The following ENPEP variants were observed in gnomAD, a reference collection of about 807,000 sequenced individuals.
The protein encoded by ENPEP is AP-A.
Under a neutral mutation model 114.5 loss-of-function variants are expected in ENPEP, and 103 were observed. That is an observed-to-expected ratio of 0.90 (90% confidence interval 0.77 to 1.06). The LOEUF (loss-of-function observed/expected upper bound fraction) is 1.06, where lower values mean the gene tolerates loss of function less well. Ranked by LOEUF, ENPEP falls within the 50% of genes least tolerant of loss-of-function variation. The pLI is 0.00. For synonymous variants in ENPEP, 420 were observed against 422.0 expected (o/e 1.00, Z 0.06); for missense variants, 1,196 against 1,161.3 (o/e 1.03, Z -0.43).
chr4:110,477,917 A>G (rs950760169), intron 1 of ENPEP, among the ~76,000 whole-genome samples: 3 of 152,200 alleles, frequency 2.0e-5, no homozygotes, highest in Non-Finnish European at 4.4e-5. Flanking sequence ...TGTTAAAGGC[A>G]TAAACTCTCT....
At position 110,553,429 on chromosome 4, in the gene ENPEP, A is replaced by C. The variant is rs1456069280; in HGVS notation, c.2616A>C (p.Gln872His). The change falls in exon 18 of 20, where the codon CAA becomes CAC. Residue 872 changes from glutamine to histidine, a missense_variant. Transcript: ENST00000265162. ...YGKNMAWNWI[Q>H]LNWDYLVNRY... ...AGAACATGGCCTGGAATTGGATACA[A>C]CTCAACTGGGACTATCTAGTCAACA... 1 of 1,610,314 alleles carries C rather than the reference A, an allele frequency of 6.2e-7. No homozygotes were observed. Among genetic ancestry groups the C allele is most frequent in the South Asian group, 1.1e-5 (1 of 90,540 alleles).
intron 11 of ENPEP, among the ~76,000 whole-genome samples, chr4:110,535,306 CCAGT>C (rs1219234332): frequency 6.6e-6 from 1 of 152,066 alleles, no homozygotes; most frequent in African/African-American, 2.4e-5. Flanking sequence ...TCCAGACTGT[CCAGT>C]CAGTTTCTAT....
chr4:110,537,945 C>A (rs1476633729), intron 11 of ENPEP, among the ~76,000 whole-genome samples: 1 of 152,158 alleles, frequency 6.6e-6, no homozygotes, highest in Non-Finnish European at 1.5e-5. Flanking sequence ...AGCAGCAGGT[C>A]TCAACAATGG....
chr4:110,499,306 T>C (rs1725064910), intron 3 of ENPEP, among the ~76,000 whole-genome samples: 1 of 152,200 alleles, frequency 6.6e-6, no homozygotes, highest in Non-Finnish European at 1.5e-5. Flanking sequence ...CCCTATGACA[T>C]AAGTGCTGTT....
chr4:110,557,458 G>A (rs1027115858), intron 18 of ENPEP, among the ~76,000 whole-genome samples: 1 of 152,166 alleles, frequency 6.6e-6, no homozygotes, highest in Admixed American at 6.6e-5. Context: ...CTAACATAAG[G>A]GAACAGAGGT....
intron 3 of ENPEP, among the ~76,000 whole-genome samples, chr4:110,496,579 A>AC: frequency 6.6e-6 from 1 of 152,242 alleles, no homozygotes; most frequent in East Asian, 1.9e-4. Flanking sequence ...CCAATAGATG[A>AC]TACATCTACA....
intron 3 of ENPEP, among the ~76,000 whole-genome samples, chr4:110,495,207 T>G (rs1337343672): frequency 6.6e-6 from 1 of 152,226 alleles, no homozygotes; most frequent in Admixed American, 6.5e-5. Flanking sequence ...TATAAATATA[T>G]TTTTGAGTTT....
chr4:110,527,908 T>C (rs1436009205), intron 10 of ENPEP, among the ~76,000 whole-genome samples: 1 of 152,176 alleles, frequency 6.6e-6, no homozygotes, highest in Non-Finnish European at 1.5e-5. Flanking sequence ...TTTTAATTAA[T>C]GGGGTTGGAT....
chr4:110,478,308 C>T (rs115297784), intron 1 of ENPEP, among the ~76,000 whole-genome samples: 1,785 of 152,184 alleles, frequency 0.012, 30 homozygotes, highest in African/African-American at 0.041. Context: ...AGGGGTCATG[C>T]TTATATAGAT....
intron 10 of ENPEP, among the ~76,000 whole-genome samples, chr4:110,522,123 C>T (rs1726015278): frequency 6.6e-6 from 1 of 152,094 alleles, no homozygotes; most frequent in South Asian, 2.1e-4. Context: ...GGGTGATCCA[C>T]CCACTCAGCC....
At chr4:110,496,022 A>G (rs1001704728) in intron 3 of ENPEP, among the ~76,000 whole-genome samples, 1 of 152,216 alleles carries the variant, frequency 6.6e-6, no homozygotes, top group African/African-American at 2.4e-5. Flanking sequence ...TAATTCTAAT[A>G]TATCAGTAGA....
At chr4:110,477,308 A>G (rs1349932393) in intron 1 of ENPEP, among the ~76,000 whole-genome samples, 1 of 152,188 alleles carries the variant, frequency 6.6e-6, no homozygotes, top group Admixed American at 6.5e-5. Context: ...CTTTTATTCC[A>G]TCAGGAGAAA....
At chr4:110,499,522 G>A (rs923730654) in intron 3 of ENPEP, among the ~76,000 whole-genome samples, 4 of 152,066 alleles carry the variant, frequency 2.6e-5, no homozygotes, top group African/African-American at 9.7e-5. Context: ...TACAATCCTT[G>A]TCCCAAACCC....
intron 10 of ENPEP, among the ~76,000 whole-genome samples, chr4:110,522,158 G>A (rs549108512): frequency 8.6e-5 from 13 of 151,900 alleles, no homozygotes; most frequent in Admixed American, 5.2e-4. Flanking sequence ...GATTACAGGC[G>A]TGAGCCACTG....
At chr4:110,503,828 G>A (rs548554943) in intron 3 of ENPEP, among the ~76,000 whole-genome samples, 2 of 152,318 alleles carry the variant, frequency 1.3e-5, no homozygotes, top group Non-Finnish European at 1.5e-5. Context: ...TTTCTCAGGG[G>A]CGTTATGTTA....
chr4:110,482,579 C>A (rs1214384534), intron 1 of ENPEP, among the ~76,000 whole-genome samples: 4 of 152,118 alleles, frequency 2.6e-5, no homozygotes, highest in Non-Finnish European at 4.4e-5. Context: ...TGTATTCTTA[C>A]CTGCATGGAT....
chr4:110,553,235 A>G (rs772231742), intron 17 of ENPEP, 80 bp from the exon 18 acceptor site: 80 of 1,301,022 alleles, frequency 6.1e-5, no homozygotes, highest in Non-Finnish European at 7.9e-5. Flanking sequence ...CTGGCATGAA[A>G]ACTATTTTGT....
At chr4:110,557,645 C>T (rs1727525092) in intron 18 of ENPEP, among the ~76,000 whole-genome samples, 1 of 152,102 alleles carries the variant, frequency 6.6e-6, no homozygotes, top group African/African-American at 2.4e-5. Flanking sequence ...TGAAAGGGTT[C>T]AAGAGCCTGG....
At chr4:110,500,950 T>C (rs1388010662) in intron 3 of ENPEP, among the ~76,000 whole-genome samples, 1 of 152,058 alleles carries the variant, frequency 6.6e-6, no homozygotes, top group East Asian at 1.9e-4. Context: ...GGGAAAAGTG[T>C]GGTGAGGATG....
Sources: allele counts gnomAD v4.1 joint callset (sites outside exome capture counted in the v4.1 genomes callset), GRCh38; gene constraint gnomAD v4.1.1; transcripts MANE v1.5; gene names NCBI Gene and HGNC (gene_info 2026-07-23, HGNC 2026-07-21).